Variants in CFAP97D2 observed in about 807,000 individuals in gnomAD.
CFAP97D2 encodes the protein uncharacterized protein CFAP97D2.
chr13:114,205,078 G>A (rs1032039481), intron 3 of CFAP97D2, among the ~76,000 whole-genome samples: 2 of 152,162 alleles, frequency 1.3e-5, no homozygotes, highest in Non-Finnish European at 2.9e-5. Context: ...AAGATACTTA[G>A]CATCATTCAT....
rs1339986849 is a variant in CFAP97D2 at position 114,211,678 on chromosome 13, T to G, written c.291-234T>G. Among the ~76,000 whole-genome samples the G allele has an allele frequency of 6.6e-6, 1 of 152,064 alleles. No individual in the cohort carries two copies. The highest frequency in any genetic ancestry group is 1.5e-5 in the Non-Finnish European group (1 of 68,012). The stretch of plus-strand genomic sequence containing the variant: ...ATTGTGCTCACCCTGAAAACGCCCC[T>G]CCCGCCGTGCAAAGCGAGCGCGCCG... On this transcript the variant is annotated intron_variant, in intron 3 of 4. Coordinates refer to ENST00000646158, the Ensembl canonical transcript of CFAP97D2. This position sits in a 1 kb window ranked among gnomAD's most constrained non-coding sequence, Gnocchi z 4.2.
rs1388819923 is a variant in CFAP97D2, at chr13:114,193,206, A to C, written c.91-3190A>C. 2.6e-5 allele frequency among the ~76,000 whole-genome samples: 4 copies of C among 152,376 alleles called. No individual in the cohort carries two copies. In the South Asian group the frequency reaches 6.2e-4, roughly 24 times the overall value. On this transcript the variant is annotated intron_variant, in intron 1 of 4. Coordinates refer to ENST00000646158, the Ensembl canonical transcript of CFAP97D2. ...GAAATTCCTAAGTATCTGGAAAAAA[A>C]CAAAACAATCAATGGAAAAACTACT...
At chr13:114,198,142 C>G (rs1023403605) in intron 2 of CFAP97D2, among the ~76,000 whole-genome samples, 21 of 152,262 alleles carry the variant, frequency 1.4e-4, no homozygotes, top group African/African-American at 4.3e-4. Context: ...CCCGCACCAC[C>G]ACGCCCGGCT....
intron 3 of CFAP97D2, among the ~76,000 whole-genome samples, chr13:114,209,725 A>G (rs1294547670): frequency 6.6e-6 from 1 of 152,232 alleles, no homozygotes; most frequent in Non-Finnish European, 1.5e-5. Context: ...GGTAAAAGAA[A>G]GCACAGTCAC....
At chr13:114,182,416 G>A (rs547428696) in intron 1 of CFAP97D2, among the ~76,000 whole-genome samples, 18 of 152,062 alleles carry the variant, frequency 1.2e-4, no homozygotes, top group African/African-American at 3.1e-4. Context: ...GCAGGCAGGA[G>A]ACAGTGGCCT....
At position 114,189,712 on chromosome 13, in the gene CFAP97D2, G is replaced by GA. The variant is rs1366233491; in HGVS notation, c.91-6679dup. ...TAATCACATCAATGGGCTAAAAAAA[G>GA]AAAAATCACATGATCATATCAGTAG... On this transcript the variant is annotated intron_variant, in intron 1 of 4. Transcript: ENST00000646158. This position sits in a 1 kb window ranked among gnomAD's most constrained non-coding sequence, Gnocchi z 4.5. 1.3e-5 allele frequency among the ~76,000 whole-genome samples: 2 copies of GA among 149,224 alleles called. No homozygotes were observed. Among genetic ancestry groups the GA allele is most frequent in the East Asian group, 3.9e-4 (2 of 5,070 alleles).
rs2080852202 is a variant in CFAP97D2, at chr13:114,185,857, C to T, written c.90+6437C>T. Among the ~76,000 whole-genome samples, 1 of 152,244 alleles carries T rather than the reference C, an allele frequency of 6.6e-6. No individual in the cohort carries two copies. Among genetic ancestry groups the T allele is most frequent in the Non-Finnish European group, 1.5e-5 (1 of 68,034 alleles). Reference sequence around the variant, plus strand: ...GCTGCGTGCCTCTTGGCATGAACAGCCTGCGTGCCATGAACAGCAACAGGA... The same window carrying T: ...GCTGCGTGCCTCTTGGCATGAACAGTCTGCGTGCCATGAACAGCAACAGGA... On this transcript the variant is annotated intron_variant, in intron 1 of 4. Transcript: ENST00000646158. The surrounding 1 kb of genome is among the most constrained non-coding windows in gnomAD (Gnocchi z 5.2).
At chr13:114,197,190 A>G (rs2080892237) in intron 2 of CFAP97D2, among the ~76,000 whole-genome samples, 1 of 152,252 alleles carries the variant, frequency 6.6e-6, no homozygotes, top group Non-Finnish European at 1.5e-5. Context: ...GAGATTCTCT[A>G]CAGAATGTAG....
intron 4 of CFAP97D2, among the ~76,000 whole-genome samples, chr13:114,221,215 C>T (rs1594524621): frequency 6.6e-6 from 1 of 152,196 alleles, no homozygotes; most frequent in African/African-American, 2.4e-5. Context: ...CCACTGCACT[C>T]CAGCTTAGGC....
intron 4 of CFAP97D2, among the ~76,000 whole-genome samples, chr13:114,218,943 A>T (rs986821933): frequency 6.6e-6 from 1 of 152,220 alleles, no homozygotes; most frequent in Admixed American, 6.5e-5. Flanking sequence ...AACCTAGGCA[A>T]TACCATTCAG....
intron 4 of CFAP97D2, among the ~76,000 whole-genome samples, chr13:114,219,981 T>A (rs2138792089): frequency 1.5e-5 from 2 of 134,150 alleles, no homozygotes; most frequent in East Asian, 4.4e-4. Context: ...TCGGTGGTGC[T>A]TCCCCACCTT....
intron 2 of CFAP97D2, 140 bp from the exon 3 acceptor site, chr13:114,200,185 C>G: frequency 2.5e-6 from 1 of 392,958 alleles, no homozygotes; most frequent in Non-Finnish European, 4.5e-6. Context: ...TGTTCGGTCC[C>G]CGCTGAGGCG....
intron 3 of CFAP97D2, among the ~76,000 whole-genome samples, chr13:114,205,022 G>A (rs1316576981): frequency 2.0e-5 from 3 of 152,188 alleles, no homozygotes; most frequent in Admixed American, 2.0e-4. Context: ...GATCTGAATA[G>A]ACATTTCTCC....
chr13:114,206,155 G>A (rs894755110), intron 3 of CFAP97D2, among the ~76,000 whole-genome samples: 2 of 149,354 alleles, frequency 1.3e-5, no homozygotes, highest in African/African-American at 5.0e-5. Context: ...CCAGGCTGGA[G>A]TGCAGTGGCA....
chr13:114,192,182 T>C lies in CFAP97D2; in HGVS notation c.91-4214T>C, dbSNP rs150059563. On this transcript the variant is annotated intron_variant, in intron 1 of 4. Coordinates refer to ENST00000646158, the Ensembl canonical transcript of CFAP97D2. ...GTTATTGTACATGTGTCCAGACTCATAGAATATGTGACACCAAGAGTGAAC... is the reference window on the plus strand; with the variant it reads ...GTTATTGTACATGTGTCCAGACTCACAGAATATGTGACACCAAGAGTGAAC... Among the ~76,000 whole-genome samples, 725 of 152,282 alleles carry C rather than the reference T, an allele frequency of 4.8e-3. 4 individuals are homozygous for C. Among genetic ancestry groups the C allele is most frequent in the African/African-American group, 0.017 (690 of 41,534 alleles).
rs1210773268 is a variant in CFAP97D2 at position 114,189,410 on chromosome 13, A to C, written c.91-6986A>C. ...GGCAAATTCTATTAAACATTTAAGG[A>C]AGAAATTTTACCTATTCTCTACAAT... On this transcript the variant is annotated intron_variant, in intron 1 of 4. Coordinates refer to ENST00000646158, the Ensembl canonical transcript of CFAP97D2. The surrounding 1 kb of genome is among the most constrained non-coding windows in gnomAD (Gnocchi z 4.5). 6.6e-6 allele frequency among the ~76,000 whole-genome samples: 1 copy of C among 152,214 alleles called. No individual in the cohort carries two copies. Among genetic ancestry groups the C allele is most frequent in the African/African-American group, 2.4e-5 (1 of 41,468 alleles).
rs1009113654 is a variant in CFAP97D2, at chr13:114,211,845, G to C, written c.291-67G>C. On this transcript the variant is annotated intron_variant, in intron 3 of 4. Transcript: ENST00000646158. This position sits in a 1 kb window ranked among gnomAD's most constrained non-coding sequence, Gnocchi z 4.2. ...CCCCTTCCTGCTCTGGAGCCTGTTG[G>C]CCCTGTGGAGGGAATGGCAGCCTTA... 2 of 398,158 alleles carry C rather than the reference G, an allele frequency of 5.0e-6. No homozygotes were observed. The highest frequency in any genetic ancestry group is 4.1e-5 in the African/African-American group (2 of 48,652). The allele number at this position is 398,158 out of a possible 1,614,324, so 24.7% of individuals were successfully genotyped here.
chr13:114,200,292 C>G (rs2138769282), intron 2 of CFAP97D2, 33 bp from the exon 3 acceptor site: 1 of 397,666 alleles, frequency 2.5e-6, no homozygotes, highest in African/African-American at 2.1e-5. Flanking sequence ...CGCAATCTGC[C>G]GGCGCTCCTC....
At chr13:114,182,246 T>G (rs944672827) in intron 1 of CFAP97D2, among the ~76,000 whole-genome samples, 11 of 151,564 alleles carry the variant, frequency 7.3e-5, no homozygotes, top group Non-Finnish European at 8.8e-5. Context: ...TAGGCCAGAT[T>G]TATGTTTCTC....
Sources: allele counts gnomAD v4.1 joint callset (sites outside exome capture counted in the v4.1 genomes callset), GRCh38; gene constraint gnomAD v4.1.1; non-coding constraint Gnocchi (gnomAD v3.1); transcripts MANE v1.5; gene names NCBI Gene and HGNC (gene_info 2026-07-23, HGNC 2026-07-21).